MSI2: variants seen among roughly 807,000 people sequenced by gnomAD.
MSI2 encodes the protein RNA-binding protein Musashi homolog 2.
A neutral mutation model predicts 45.6 loss-of-function variants in MSI2; 17 were observed. The ratio of observed to expected loss-of-function variants is 0.37; its 90% CI spans 0.26 to 0.56. The LOEUF (loss-of-function observed/expected upper bound fraction) is 0.56, where lower values mean the gene tolerates loss of function less well. Ranked by LOEUF, MSI2 falls within the 20% of genes least tolerant of loss-of-function variation. The pLI, the probability that MSI2 is intolerant of heterozygous loss-of-function variation, is 0.77. For synonymous variants in MSI2, 156 were observed against 158.2 expected (o/e 0.99, Z 0.11); for missense variants, 293 against 444.2 (o/e 0.66, Z 3.06).
intron 5 of MSI2, among the ~76,000 whole-genome samples, chr17:57,312,401 G>A (rs998019531): frequency 2.6e-5 from 4 of 152,160 alleles, no homozygotes; most frequent in South Asian, 4.1e-4. Flanking sequence ...GAGAGGCTCC[G>A]GGTGGGTGCT....
intron 5 of MSI2, among the ~76,000 whole-genome samples, chr17:57,318,184 G>A (rs11655743): frequency 0.12 from 18,862 of 151,988 alleles, 1,210 homozygotes; most frequent in African/African-American, 0.14. Flanking sequence ...AAGGTGAGAA[G>A]GTGAGAAGGT....
At chr17:57,577,552 A>G (rs1238148128) in intron 7 of MSI2, among the ~76,000 whole-genome samples, 2 of 152,234 alleles carry the variant, frequency 1.3e-5, no homozygotes, top group African/African-American at 4.8e-5. Context: ...TCAGTAGATG[A>G]TAGACAAGCA....
intron 6 of MSI2, among the ~76,000 whole-genome samples, chr17:57,408,481 G>T (rs956242114): frequency 1.3e-5 from 2 of 152,192 alleles, no homozygotes; most frequent in Non-Finnish European, 2.9e-5. Context: ...CTGTTTGACC[G>T]CATTTCCTGG....
intron 11 of MSI2, among the ~76,000 whole-genome samples, chr17:57,668,803 A>G (rs1912562918): frequency 6.6e-6 from 1 of 152,130 alleles, no homozygotes; most frequent in Non-Finnish European, 1.5e-5. Flanking sequence ...GTTTTAAAGT[A>G]TTTTCCCCCT....
At chr17:57,527,710 G>A (rs1398045450) in intron 6 of MSI2, among the ~76,000 whole-genome samples, 1 of 152,222 alleles carries the variant, frequency 6.6e-6, no homozygotes, top group African/African-American at 2.4e-5. Context: ...ACAAAAGGGG[G>A]CCCTGACTTG....
At chr17:57,663,233 G>T (rs1912125601) in intron 11 of MSI2, among the ~76,000 whole-genome samples, 1 of 152,218 alleles carries the variant, frequency 6.6e-6, no homozygotes, top group Non-Finnish European at 1.5e-5. Flanking sequence ...CTGCAGGGAG[G>T]CTGGGCACCC....
chr17:57,312,896 G>A (rs1912516266), intron 5 of MSI2, among the ~76,000 whole-genome samples: 1 of 152,164 alleles, frequency 6.6e-6, no homozygotes, highest in African/African-American at 2.4e-5. Flanking sequence ...TGCCAGGCTG[G>A]AGTGCAGTGG....
intron 5 of MSI2, among the ~76,000 whole-genome samples, chr17:57,386,657 C>T (rs2083691574): frequency 6.6e-6 from 1 of 152,176 alleles, no homozygotes; most frequent in East Asian, 1.9e-4. Context: ...AGCCTCCATG[C>T]TGGAGGGGAC....
intron 6 of MSI2, among the ~76,000 whole-genome samples, chr17:57,412,032 T>C (rs1037934701): frequency 6.6e-6 from 1 of 151,736 alleles, no homozygotes; most frequent in Non-Finnish European, 1.5e-5. Flanking sequence ...GAAGAATTAC[T>C]ATGGTACCTC....
At chr17:57,389,473 C>T (rs1598204589) in intron 5 of MSI2, among the ~76,000 whole-genome samples, 1 of 152,310 alleles carries the variant, frequency 6.6e-6, no homozygotes, top group Non-Finnish European at 1.5e-5. Context: ...TCCTGGCTCT[C>T]CCCTGCTAAC....
chr17:57,521,271 T>C (rs900385869), intron 6 of MSI2, among the ~76,000 whole-genome samples: 5 of 152,288 alleles, frequency 3.3e-5, no homozygotes, highest in Admixed American at 2.6e-4. Context: ...GCCCAGCATC[T>C]GAACCCCAGG....
chr17:57,538,272 C>G (rs2086965374), intron 7 of MSI2, among the ~76,000 whole-genome samples: 1 of 152,162 alleles, frequency 6.6e-6, no homozygotes, highest in Non-Finnish European at 1.5e-5. Flanking sequence ...GGGTGGCTGC[C>G]TCCCCGTTGG....
At chr17:57,635,419 C>G (rs1046906229) in intron 10 of MSI2, among the ~76,000 whole-genome samples, 1 of 152,276 alleles carries the variant, frequency 6.6e-6, no homozygotes, top group African/African-American at 2.4e-5. Context: ...ACCTCATCCT[C>G]TCTTGGCTCC....
At chr17:57,265,998 C>T (rs914517286) in intron 5 of MSI2, 4 of 152,130 alleles carry the variant, frequency 2.6e-5, no homozygotes, top group African/African-American at 4.8e-5. Context: ...TCAGCAAGAG[C>T]GAGGTCTGGG....
At chr17:57,354,760 A>G (rs1916295990) in intron 5 of MSI2, among the ~76,000 whole-genome samples, 1 of 152,160 alleles carries the variant, frequency 6.6e-6, no homozygotes, top group Admixed American at 6.5e-5. Flanking sequence ...GGGAGCTTGT[A>G]TTAATACAAA....
chr17:57,290,853 A>AG (rs1250954549), intron 5 of MSI2, among the ~76,000 whole-genome samples: 1 of 152,186 alleles, frequency 6.6e-6, no homozygotes, highest in African/African-American at 2.4e-5. Flanking sequence ...TAAAGAATGA[A>AG]GGGCCCCCGT....
intron 7 of MSI2, among the ~76,000 whole-genome samples, chr17:57,551,132 C>A (rs2087293887): frequency 6.6e-6 from 1 of 152,154 alleles, no homozygotes; most frequent in Non-Finnish European, 1.5e-5. Flanking sequence ...TAATGGCTTA[C>A]TTCTGTGGAG....
chr17:57,321,047 A>C (rs2143667579), intron 5 of MSI2, among the ~76,000 whole-genome samples: 1 of 150,974 alleles, frequency 6.6e-6, no homozygotes, highest in Middle Eastern at 3.4e-3. Flanking sequence ...AGAAGGATTT[A>C]AGGATATCCA....
At chr17:57,537,351 T>C (rs1166135005) in intron 7 of MSI2, among the ~76,000 whole-genome samples, 2 of 152,130 alleles carry the variant, frequency 1.3e-5, no homozygotes, top group African/African-American at 4.8e-5. Context: ...CTTGCAGCGA[T>C]GGAGGGCAAA....
Sources: gnomAD v4.1 joint callset for allele counts (sites outside exome capture counted in the v4.1 genomes callset) on GRCh38, gnomAD v4.1.1 for gene constraint, MANE v1.5 for transcripts, NCBI Gene and HGNC (gene_info 2026-07-23, HGNC 2026-07-21) for gene names.